Variants in SCLT1 observed in about 807,000 individuals in gnomAD.
SCLT1 encodes the protein sodium channel and clathrin linker 1.
In SCLT1, 78 loss-of-function variants were observed where a neutral mutation model predicts 112.8. The observed-to-expected ratio is 0.69, with a 90% CI of 0.58 to 0.83. SCLT1 has a LOEUF of 0.83. Among genes scored for constraint, SCLT1 ranks in the 40% least tolerant of loss-of-function variants. The pLI, the probability that SCLT1 is intolerant of heterozygous loss-of-function variation, is 0.00. For synonymous variants in SCLT1, 257 were observed against 254.7 expected, an observed-to-expected ratio of 1.01 and a Z score of -0.09; for missense variants, 747 against 770.4, an observed-to-expected ratio of 0.97 and a Z score of 0.36.
chr4:129,072,122 A>C (rs1183801940), intron 2 of SCLT1, among the ~76,000 whole-genome samples: 1 of 152,116 alleles, frequency 6.6e-6, no homozygotes, highest in Non-Finnish European at 1.5e-5. Flanking sequence ...GTTTTGTCCG[A>C]AGAGGCTGAA....
At chr4:128,967,264 G>A (rs572935060) in intron 10 of SCLT1, among the ~76,000 whole-genome samples, 2 of 152,280 alleles carry the variant, frequency 1.3e-5, no homozygotes, top group East Asian at 3.9e-4. Flanking sequence ...CTGCTGATGG[G>A]CATCTAGGCT....
chr4:128,888,636 C>T (rs79661440), intron 20 of SCLT1, 43 bp downstream of exon 20: 1 of 1,172,406 alleles, frequency 8.5e-7, no homozygotes, highest in Non-Finnish European at 1.2e-6. Flanking sequence ...AAAAACTTAT[C>T]TTTGAACTGT....
At chr4:128,954,054 G>A (rs994511310) in intron 13 of SCLT1, among the ~76,000 whole-genome samples, 2 of 151,900 alleles carry the variant, frequency 1.3e-5, no homozygotes, top group Non-Finnish European at 2.9e-5. Context: ...TCAGGATTTC[G>A]CTATGACAAT....
At chr4:128,896,162 C>T (rs983171240) in intron 18 of SCLT1, among the ~76,000 whole-genome samples, 1 of 152,224 alleles carries the variant, frequency 6.6e-6, no homozygotes, top group African/African-American at 2.4e-5. Context: ...ACTTAAATGT[C>T]CCTGTCTGAC....
At chr4:128,960,595 T>C (rs552396460) in intron 11 of SCLT1, among the ~76,000 whole-genome samples, 20 of 152,256 alleles carry the variant, frequency 1.3e-4, no homozygotes, top group African/African-American at 4.3e-4. Flanking sequence ...TTTTTTCCGA[T>C]GGGTTGTTTA....
At chr4:128,961,526 C>A (rs752286398) in intron 11 of SCLT1, among the ~76,000 whole-genome samples, 27 of 151,934 alleles carry the variant, frequency 1.8e-4, no homozygotes, top group Admixed American at 4.6e-4. Flanking sequence ...TATTTTCAGA[C>A]ATTTCTTTTT....
At chr4:129,018,235 A>G (rs1278251983) in intron 5 of SCLT1, among the ~76,000 whole-genome samples, 3 of 152,212 alleles carry the variant, frequency 2.0e-5, no homozygotes, top group Non-Finnish European at 1.5e-5. Context: ...AACCAAACCC[A>G]TATCCTGAAC....
intron 5 of SCLT1, chr4:128,873,268 AAAAAGAAAAAAAG>A (rs1732331292): frequency 6.7e-6 from 1 of 149,276 alleles, no homozygotes. Flanking sequence ...AAAAAAAAAA[AAAAAGAAAAAAAG>A]AAAAAAAAAA....
Position 128,888,757 on chromosome 4 carries a change from T to C in SCLT1, c.1926A>G (p.Leu642=), listed in dbSNP as rs1202831622. ...GTCTGTTGGCTTTTTCTTGATGCTCTAGAATTAGCTTTTCATTCTATTAAG... is the reference window on the plus strand; with the variant it reads ...GTCTGTTGGCTTTTTCTTGATGCTCCAGAATTAGCTTTTCATTCTATTAAG... ...EKVAENEKLI[L]EHQEKANRLQ... The change falls in exon 20 of 21, where the codon CTA becomes CTG. Residue 642 remains leucine (L), a synonymous_variant. Transcript: ENST00000281142. The C allele has an allele frequency of 1.9e-6, 3 of 1,606,018 alleles. No homozygotes were observed. The highest frequency in any genetic ancestry group is 4.5e-5 in the East Asian group (2 of 44,832).
intron 6 of SCLT1, among the ~76,000 whole-genome samples, chr4:129,003,075 A>C (rs1743662323): frequency 6.6e-6 from 1 of 152,224 alleles, no homozygotes; most frequent in African/African-American, 2.4e-5. Context: ...AAAATGTGGC[A>C]CATATACACC....
At position 128,898,787 on chromosome 4, in the gene SCLT1, G is replaced by A. The variant is rs568882883; in HGVS notation, c.1830-7650C>T. Among the ~76,000 whole-genome samples the A allele has an allele frequency of 2.0e-3, 308 of 152,014 alleles. 1 individual carries two copies. Among genetic ancestry groups the A allele is most frequent in the Admixed American group, 3.9e-3 (59 of 15,258 alleles). ...TTGATAGACCGCTAGCAAGACTAAT[G>A]AAGAAGAAAACAGAGAAGAATCAAA... On this transcript the variant is annotated intron_variant, in intron 18 of 20. Transcript: ENST00000281142.
At chr4:129,013,794 T>A (rs1744754824) in intron 5 of SCLT1, among the ~76,000 whole-genome samples, 1 of 152,238 alleles carries the variant, frequency 6.6e-6, no homozygotes, top group African/African-American at 2.4e-5. Flanking sequence ...TTGCGGATGA[T>A]CTTCTTCTAA....
intron 18 of SCLT1, among the ~76,000 whole-genome samples, chr4:128,915,078 TTAAA>T (rs1462092996): frequency 2.6e-5 from 4 of 152,160 alleles, no homozygotes; most frequent in Admixed American, 6.6e-5. Context: ...TCAATAATTC[TTAAA>T]TAAATTACCT....
Position 129,068,230 on chromosome 4 carries a change from A to G in SCLT1, c.102+14076T>C, listed in dbSNP as rs535766449. On this transcript the variant is annotated intron_variant, in intron 2 of 20. Coordinates refer to ENST00000281142, the MANE Select transcript of SCLT1 (RefSeq NM_144643.4). The stretch of plus-strand genomic sequence containing the variant: ...TATATATGTATGTGTGTGTGTGTGT[A>G]TATATCAGTAGTAGGATTGCTGGAT... Among the ~76,000 whole-genome samples the G allele has an allele frequency of 2.9e-4, 44 of 152,062 alleles. 1 individual carries two copies. The South Asian group carries it at 8.9e-3, about 31-fold the overall frequency.
intron 12 of SCLT1, 60 bp from the exon 13 acceptor site, chr4:128,957,184 G>T: frequency 3.0e-6 from 3 of 1,009,986 alleles, no homozygotes; most frequent in Non-Finnish European, 4.5e-6. Context: ...GATAATAACA[G>T]GTGAAAACCT....
chr4:129,052,938 C>A (rs1748955699), intron 2 of SCLT1, among the ~76,000 whole-genome samples: 1 of 152,138 alleles, frequency 6.6e-6, no homozygotes, highest in Non-Finnish European at 1.5e-5. Context: ...TCTTTGTTCT[C>A]ACTGGTTTCA....
At chr4:128,947,649 G>T (rs1460936761) in intron 15 of SCLT1, among the ~76,000 whole-genome samples, 1 of 152,012 alleles carries the variant, frequency 6.6e-6, no homozygotes, top group Admixed American at 6.6e-5. Context: ...ATCAAATTTG[G>T]CCTCCTTTTC....
chr4:128,892,463 T>C (rs571050052), intron 18 of SCLT1, among the ~76,000 whole-genome samples: 4 of 152,352 alleles, frequency 2.6e-5, no homozygotes, highest in South Asian at 2.1e-4. Context: ...TTGACCTTAC[T>C]TGTGCTTCTT....
chr4:128,987,633 G>A (rs1393635431), intron 9 of SCLT1, among the ~76,000 whole-genome samples: 1 of 152,034 alleles, frequency 6.6e-6, no homozygotes, highest in Non-Finnish European at 1.5e-5. Context: ...AAGGCTATAT[G>A]AAAATACACA....
Sources: allele counts gnomAD v4.1 joint callset (sites outside exome capture counted in the v4.1 genomes callset), GRCh38; gene constraint gnomAD v4.1.1; transcripts MANE v1.5; gene names NCBI Gene and HGNC (gene_info 2026-07-23, HGNC 2026-07-21).